The following MPRIP variants were observed in gnomAD, a reference collection of about 807,000 sequenced individuals.
The protein encoded by MPRIP is myosin phosphatase Rho interacting protein, also known as myosin phosphatase Rho-interacting protein.
A neutral mutation model predicts 234.9 loss-of-function variants in MPRIP; 59 were observed. The ratio of observed to expected loss-of-function variants is 0.25; its 90% CI spans 0.20 to 0.31. MPRIP has a LOEUF of 0.31. Among genes scored for constraint, MPRIP ranks in the 10% least tolerant of loss-of-function variants. The pLI is 1.00. For missense variants in MPRIP, 2,436 were observed against 3,071.0 expected (o/e 0.79, Z 4.89); for synonymous variants, 1,144 against 1,263.9 (o/e 0.91, Z 2.01).
At chr17:17,125,905 C>G (rs1210260551) in intron 3 of MPRIP, among the ~76,000 whole-genome samples, 1 of 152,118 alleles carries the variant, frequency 6.6e-6, no homozygotes, top group African/African-American at 2.4e-5. Flanking sequence ...CAGGGGCACC[C>G]CTGGTGTGGT....
chr17:17,044,238 A>G (rs962309916), intron 1 of MPRIP, among the ~76,000 whole-genome samples: 2 of 152,254 alleles, frequency 1.3e-5, no homozygotes, highest in Non-Finnish European at 2.9e-5. Context: ...AAGGACGGTC[A>G]GCTTGGGACG....
intron 5 of MPRIP, among the ~76,000 whole-genome samples, chr17:17,134,910 A>G (rs1393474231): frequency 1.3e-5 from 2 of 152,260 alleles, no homozygotes; most frequent in African/African-American, 4.8e-5. Flanking sequence ...GCGCACATAC[A>G]TGCATATAAA....
At chr17:17,119,977 TG>T (rs927024247) in intron 3 of MPRIP, among the ~76,000 whole-genome samples, 1 of 152,188 alleles carries the variant, frequency 6.6e-6, no homozygotes, top group Admixed American at 6.5e-5. Context: ...ACCTCAGGTG[TG>T]GGGGGAAGTC....
At chr17:17,125,620 TG>T (rs1204493091) in intron 3 of MPRIP, among the ~76,000 whole-genome samples, 1 of 151,864 alleles carries the variant, frequency 6.6e-6, no homozygotes, top group Non-Finnish European at 1.5e-5. Flanking sequence ...AAGGTCGGGG[TG>T]TGGAGAGTGG....
At chr17:17,119,335 G>A (rs1478100775) in intron 3 of MPRIP, among the ~76,000 whole-genome samples, 8 of 152,254 alleles carry the variant, frequency 5.3e-5, no homozygotes, top group African/African-American at 1.7e-4. Flanking sequence ...GGCAGGGGCC[G>A]TGCTGGGCAA....
intron 1 of MPRIP, among the ~76,000 whole-genome samples, chr17:17,068,187 G>A (rs2143984329): frequency 6.6e-6 from 1 of 151,780 alleles, no homozygotes; most frequent in South Asian, 2.1e-4. Context: ...TTTCGCTCTT[G>A]TTGCCCAGGC....
At chr17:17,139,161 C>T (rs1372961862) in intron 7 of MPRIP, among the ~76,000 whole-genome samples, 1 of 152,244 alleles carries the variant, frequency 6.6e-6, no homozygotes, top group Non-Finnish European at 1.5e-5. Flanking sequence ...CTGCCCTGCC[C>T]TTGTTCTCCA....
intron 3 of MPRIP, among the ~76,000 whole-genome samples, chr17:17,082,682 A>G (rs926036102): frequency 1.3e-5 from 2 of 152,188 alleles, no homozygotes; most frequent in African/African-American, 4.8e-5. Flanking sequence ...CATTAAGTAC[A>G]TTCACATTGT....
At chr17:17,062,479 C>T (rs1008630414) in intron 1 of MPRIP, among the ~76,000 whole-genome samples, 1 of 152,244 alleles carries the variant, frequency 6.6e-6, no homozygotes, top group African/African-American at 2.4e-5. Flanking sequence ...ACAGAACTGA[C>T]CACGAGCCCC....
At chr17:17,075,920 C>A in intron 2 of MPRIP, 133 bp downstream of exon 2, 1 of 793,258 alleles carries the variant, frequency 1.3e-6, no homozygotes, top group Non-Finnish European at 2.1e-6. Flanking sequence ...CAGGGCTCCC[C>A]CATTTGGTGC....
chr17:17,133,177 A>G (rs757265905), intron 5 of MPRIP, among the ~76,000 whole-genome samples: 36 of 152,116 alleles, frequency 2.4e-4, no homozygotes, highest in Admixed American at 3.9e-4. Flanking sequence ...TAGGTTACCC[A>G]CTTCACTGAG....
intron 3 of MPRIP, among the ~76,000 whole-genome samples, chr17:17,119,300 T>C (rs1052483268): frequency 6.6e-6 from 1 of 152,250 alleles, no homozygotes; most frequent in African/African-American, 2.4e-5. Flanking sequence ...AATCAGGCCA[T>C]AGCTCAGTGA....
intron 1 of MPRIP, among the ~76,000 whole-genome samples, chr17:17,065,139 A>C (rs190460351): frequency 6.6e-6 from 1 of 152,004 alleles, no homozygotes; most frequent in South Asian, 2.1e-4. Context: ...TTGTGTTTTC[A>C]CTATTGAGTT....
Position 17,166,685 on chromosome 17 carries a change from G to C in MPRIP, c.5094G>C (p.Gln1698His), listed in dbSNP as rs981001742. The C allele has an allele frequency of 2.3e-6, 3 of 1,303,796 alleles. No homozygotes were observed. Among genetic ancestry groups the C allele is most frequent in the Non-Finnish European group, 2.0e-6 (2 of 988,872 alleles). 80.8% of individuals were successfully genotyped at this position (1,303,796 alleles called of 1,614,324 possible). A position where few individuals can be genotyped will look rare whatever the true frequency, so the allele number is the denominator to read the frequency against. ...TCCAGGAGACCCTGCGGGGCACCCAGACGGCCCTGCGGCAGCACAAATGCC... is the reference window on the plus strand; with the variant it reads ...TCCAGGAGACCCTGCGGGGCACCCACACGGCCCTGCGGCAGCACAAATGCC... ...QSIQETLRGTQTALRQHKCLL... is the reference protein window; with the variant it reads ...QSIQETLRGTHTALRQHKCLL... The change falls in exon 16 of 24, where the codon CAG becomes CAC. Residue 1698 changes from glutamine (Q) to histidine (H), a missense_variant. Around this residue, in one of 4 missense-constraint regions of MPRIP, gnomAD observed 1,998 missense variants for 2,520.3 expected, o/e 0.79. Coordinates refer to ENST00000651222, the MANE Select transcript of MPRIP (RefSeq NM_001364716.4). This position sits in a 1 kb window ranked among gnomAD's most constrained non-coding sequence, Gnocchi z 4.4.
Position 17,126,685 on chromosome 17 carries a change from C to G in MPRIP, c.268-17C>G. ...CATTGGCTGGCCTCTGGGTGACTCT[C>G]TGCCGCCTTCTTCCAGCCCACGACC... On this transcript the variant is annotated splice_polypyrimidine_tract_variant and intron_variant, in intron 3 of 23. Coordinates refer to ENST00000651222, the MANE Select transcript of MPRIP (RefSeq NM_001364716.4). 1 of 1,603,632 alleles carries G rather than the reference C, an allele frequency of 6.2e-7. No individual in the cohort carries two copies. Among genetic ancestry groups the G allele is most frequent in the Non-Finnish European group, 8.5e-7 (1 of 1,174,880 alleles).
chr17:17,150,652 A>C (rs190920773), intron 12 of MPRIP, among the ~76,000 whole-genome samples: 147 of 151,414 alleles, frequency 9.7e-4, no homozygotes, highest in African/African-American at 3.5e-3. Flanking sequence ...ATTTTTTCCC[A>C]AAATCTTGTG....
rs1423092320 is a variant in MPRIP at position 17,138,777 on chromosome 17, G to T, written c.1250+348G>T. Among the ~76,000 whole-genome samples, 2 of 152,172 alleles carry T rather than the reference G, an allele frequency of 1.3e-5. No homozygotes were observed. The highest frequency in any genetic ancestry group is 2.9e-5 in the Non-Finnish European group (2 of 68,036). ...TGGGCCATTTCTATTCTCTGAAGTG[G>T]CATGGAGGCAGGGAGTCCCTAGAGC... On this transcript the variant is annotated intron_variant, in intron 7 of 23. Coordinates refer to ENST00000651222, the MANE Select transcript of MPRIP (RefSeq NM_001364716.4). This position sits in a 1 kb window ranked among gnomAD's most constrained non-coding sequence, Gnocchi z 5.8.
intron 1 of MPRIP, among the ~76,000 whole-genome samples, chr17:17,072,189 T>C (rs1227337520): frequency 6.6e-6 from 1 of 152,016 alleles, no homozygotes; most frequent in Non-Finnish European, 1.5e-5. Context: ...GATGCAGCAG[T>C]TTTAGATAGT....
At chr17:17,137,835 A>G (rs1405780952) in intron 6 of MPRIP, 81 bp from the exon 7 acceptor site, 4 of 1,354,228 alleles carry the variant, frequency 3.0e-6, no homozygotes, top group South Asian at 1.5e-5. Flanking sequence ...TGGATCCTAC[A>G]TGGGCTTTAA....
Sources: gnomAD v4.1 joint callset for allele counts (sites outside exome capture counted in the v4.1 genomes callset) on GRCh38, gnomAD v4.1.1 for gene constraint, gnomAD v4.1.1 regional missense constraint, Gnocchi (gnomAD v3.1) non-coding constraint, MANE v1.5 for transcripts, NCBI Gene and HGNC (gene_info 2026-07-23, HGNC 2026-07-21) for gene names.